Variants in SV2C observed in about 807,000 individuals in gnomAD.
The protein encoded by SV2C is synaptic vesicle glycoprotein 2C, also known as solute carrier family 22 member B3.
A neutral mutation model predicts 79.7 loss-of-function variants in SV2C; 49 were observed. The ratio of observed to expected loss-of-function variants is 0.61; its 90% CI spans 0.49 to 0.78. The LOEUF is 0.78. SV2C is among the 30% of genes least tolerant of loss of function. SV2C has a pLI of 0.00. For synonymous variants in SV2C, 334 were observed against 333.2 expected (o/e 1.00, Z -0.03); for missense variants, 833 against 912.9 (o/e 0.91, Z 1.13).
chr5:75,932,888 A>G, the SV2C span, among the ~76,000 whole-genome samples: 1 of 152,140 alleles, frequency 6.6e-6, no homozygotes, highest in Admixed American at 6.5e-5. Context: ...CCTCTTCCAC[A>G]GGGGCTGATA....
chr5:76,218,215 A>T (rs1744958844), intron 4 of SV2C, among the ~76,000 whole-genome samples: 1 of 152,228 alleles, frequency 6.6e-6, no homozygotes, highest in South Asian at 2.1e-4. Context: ...GGATAATAAT[A>T]GTATGACCTA....
chr5:76,316,011 T>G (rs138582039), intron 12 of SV2C, among the ~76,000 whole-genome samples: 33 of 152,310 alleles, frequency 2.2e-4, no homozygotes, highest in African/African-American at 7.2e-4. Flanking sequence ...TTACCCCAAA[T>G]TTGGAAAGCT....
the SV2C span, among the ~76,000 whole-genome samples, chr5:76,057,770 A>G: frequency 4.6e-5 from 7 of 152,256 alleles, no homozygotes; most frequent in East Asian, 1.4e-3. Context: ...AATTATTATT[A>G]TCATAATTAT....
chr5:76,158,692 A>G (rs1742812635), intron 2 of SV2C, among the ~76,000 whole-genome samples: 1 of 152,058 alleles, frequency 6.6e-6, no homozygotes, highest in South Asian at 2.1e-4. Context: ...CTAAAAGCCA[A>G]CAATACCTAG....
chr5:76,033,742 G>A, the SV2C span, among the ~76,000 whole-genome samples: 2 of 152,076 alleles, frequency 1.3e-5, no homozygotes, highest in Admixed American at 6.5e-5. Flanking sequence ...CTCTTTTTTG[G>A]TTCCATATGA....
At chr5:76,073,406 G>A in the SV2C span, among the ~76,000 whole-genome samples, 1 of 150,480 alleles carries the variant, frequency 6.6e-6, no homozygotes, top group Non-Finnish European at 1.5e-5. Context: ...CTGTATGCAT[G>A]TTTAGAGCAT....
At chr5:76,114,093 C>G (rs1304634317) in intron 1 of SV2C, among the ~76,000 whole-genome samples, 2 of 152,182 alleles carry the variant, frequency 1.3e-5, no homozygotes, top group Non-Finnish European at 2.9e-5. Context: ...GCAGACGGCT[C>G]TGTGGGGACT....
At chr5:76,086,868 A>C (rs549748255) in intron 1 of SV2C, among the ~76,000 whole-genome samples, 131 of 152,330 alleles carry the variant, frequency 8.6e-4, no homozygotes, top group African/African-American at 2.9e-3. Context: ...TTTATTACAA[A>C]CAACCCCTCC....
intron 8 of SV2C, among the ~76,000 whole-genome samples, 161 bp from the exon 9 acceptor site, chr5:76,295,617 G>C (rs1305133369): frequency 6.6e-6 from 1 of 152,140 alleles, no homozygotes; most frequent in African/African-American, 2.4e-5. Flanking sequence ...TTAATGCTGG[G>C]GGAGAGGGAC....
At chr5:76,295,455 G>A (rs1420500923) in intron 8 of SV2C, among the ~76,000 whole-genome samples, 1 of 152,162 alleles carries the variant, frequency 6.6e-6, no homozygotes, top group East Asian at 1.9e-4. Context: ...CAACACATAA[G>A]TTTTGGAAGG....
At chr5:76,186,893 C>T (rs187982922) in intron 2 of SV2C, among the ~76,000 whole-genome samples, 1 of 152,106 alleles carries the variant, frequency 6.6e-6, no homozygotes, top group African/African-American at 2.4e-5. Context: ...AGGGAACCAC[C>T]CCTATGATTC....
At chr5:76,204,347 T>C (rs1744544934) in intron 3 of SV2C, among the ~76,000 whole-genome samples, 1 of 152,248 alleles carries the variant, frequency 6.6e-6, no homozygotes, top group Non-Finnish European at 1.5e-5. Context: ...CTAATCTTTT[T>C]ATAATCCTAT....
At chr5:75,971,495 AT>A in the SV2C span, among the ~76,000 whole-genome samples, 1 of 152,112 alleles carries the variant, frequency 6.6e-6, no homozygotes, top group African/African-American at 2.4e-5. Context: ...TACAAAATCA[AT>A]GTGCAAAAAT....
intron 4 of SV2C, chr5:76,242,119 C>A (rs1365066925): frequency 7.0e-6 from 10 of 1,429,960 alleles, no homozygotes; most frequent in Non-Finnish European, 9.8e-6. Flanking sequence ...CCAGCATCAG[C>A]TTTTCCCTTT....
the SV2C span, among the ~76,000 whole-genome samples, chr5:76,072,050 C>T: frequency 6.6e-6 from 1 of 152,028 alleles, no homozygotes; most frequent in African/African-American, 2.4e-5. Context: ...AGAAAAAATT[C>T]AAAGAGATTA....
chr5:76,145,686 A>T (rs906710609), intron 2 of SV2C, among the ~76,000 whole-genome samples: 2 of 152,188 alleles, frequency 1.3e-5, no homozygotes, highest in Non-Finnish European at 2.9e-5. Context: ...TTAAGCTCCC[A>T]AGCAAGATCT....
intron 4 of SV2C, among the ~76,000 whole-genome samples, chr5:76,235,107 G>T (rs899245318): frequency 1.3e-5 from 2 of 148,506 alleles, no homozygotes; most frequent in East Asian, 4.0e-4. Flanking sequence ...ATTGTGATTT[G>T]CTTTAAGTGA....
the SV2C span, among the ~76,000 whole-genome samples, chr5:75,916,335 TC>T: frequency 5.3e-5 from 6 of 113,666 alleles, no homozygotes; most frequent in African/African-American, 2.2e-4. Flanking sequence ...CTCCTCTTCT[TC>T]CCCCCTTCTT....
the SV2C span, among the ~76,000 whole-genome samples, chr5:75,852,558 A>G: frequency 3.3e-5 from 5 of 152,234 alleles, no homozygotes. Flanking sequence ...TGTAGTAAAA[A>G]TATTCTTCAA....
Sources: gnomAD v4.1 joint callset for allele counts (sites outside exome capture counted in the v4.1 genomes callset) on GRCh38, gnomAD v4.1.1 for gene constraint, MANE v1.5 for transcripts, NCBI Gene and HGNC (gene_info 2026-07-23, HGNC 2026-07-21) for gene names.